The following DNAJC24 variants were observed in gnomAD, a reference collection of about 807,000 sequenced individuals.
DNAJC24 encodes the protein dnaJ homolog subfamily C member 24.
In DNAJC24, 17 loss-of-function variants were observed where a neutral mutation model predicts 18.0. That is an observed-to-expected ratio of 0.94 (90% CI 0.65 to 1.42). The LOEUF is 1.42. Among genes scored for constraint, DNAJC24 ranks in the 40% most tolerant of loss-of-function variants. DNAJC24 has a pLI of 0.00. For missense variants in DNAJC24, 158 were observed against 175.6 expected (o/e 0.90, Z 0.57); for synonymous variants, 55 against 57.7 (o/e 0.95, Z 0.21).
chr11:31,413,326 C>CTTTTTTT (rs1226979464), intron 2 of DNAJC24, among the ~76,000 whole-genome samples: 1 of 126,372 alleles, frequency 7.9e-6, no homozygotes, highest in African/African-American at 3.0e-5. Context: ...TAAATACTAT[C>CTTTTTTT]TTTTTTTTTT....
chr11:31,370,596 G>A (rs1952217484), intron 1 of DNAJC24, 120 bp from the exon 2 acceptor site: 1 of 477,408 alleles, frequency 2.1e-6, no homozygotes, highest in African/African-American at 2.0e-5. Context: ...TGCTTCCTCA[G>A]GTTTGCATTA....
At chr11:31,390,576 CAT>C (rs1435418773) in intron 2 of DNAJC24, among the ~76,000 whole-genome samples, 1 of 148,178 alleles carries the variant, frequency 6.7e-6, no homozygotes, top group African/African-American at 2.5e-5. Context: ...CCTGGTGGCG[CAT>C]GCCTGTAGTC....
intron 2 of DNAJC24, among the ~76,000 whole-genome samples, chr11:31,384,403 G>A (rs897643047): frequency 2.6e-5 from 4 of 152,144 alleles, no homozygotes; most frequent in African/African-American, 9.7e-5. Context: ...TCCTGTCTTA[G>A]TTATTTTTGT....
At chr11:31,379,942 G>A (rs1014417496) in intron 2 of DNAJC24, among the ~76,000 whole-genome samples, 3 of 151,224 alleles carry the variant, frequency 2.0e-5, no homozygotes, top group African/African-American at 7.3e-5. Context: ...TTCTTTTTTT[G>A]TATTTTTAGT....
chr11:31,421,455 AT>A lies in DNAJC24; in HGVS notation c.251-4831del, dbSNP rs530472292. 4.4e-3 allele frequency among the ~76,000 whole-genome samples: 669 copies of A among 152,292 alleles called. 8 individuals carry two copies. The highest frequency in any genetic ancestry group is 7.9e-3 in the Non-Finnish European group (537 of 68,020). On this transcript the variant is annotated intron_variant, in intron 3 of 4. Transcript: ENST00000465995. ...TAAATGAGAGCATCGTGGGGATGTG[AT>A]GATCATGTGAATAACATGGCATTGC...
intron 2 of DNAJC24, among the ~76,000 whole-genome samples, chr11:31,410,045 G>T (rs916969188): frequency 1.1e-5 from 1 of 94,526 alleles, no homozygotes; most frequent in East Asian, 3.1e-4. Flanking sequence ...CACCACACCT[G>T]GCTAATTTTT....
chr11:31,414,699 T>C, intron 2 of DNAJC24, 112 bp from the exon 3 acceptor site: 2 of 1,208,296 alleles, frequency 1.7e-6, no homozygotes, highest in Non-Finnish European at 1.2e-6. Context: ...TGGCATTTGG[T>C]TTTCATCTTC....
intron 2 of DNAJC24, chr11:31,396,517 C>T (rs1952543815): frequency 4.7e-6 from 1 of 211,932 alleles, no homozygotes; most frequent in Admixed American, 5.3e-5. Context: ...GCATGAGTGA[C>T]TTCCAAATTT....
chr11:31,430,940 A>G lies in DNAJC24; in HGVS notation c.*539A>G, dbSNP rs1247760201. 1 of 152,456 alleles carries G rather than the reference A, an allele frequency of 6.6e-6. No individual in the cohort carries two copies. Among genetic ancestry groups the G allele is most frequent in the Non-Finnish European group, 1.5e-5 (1 of 68,024 alleles). The allele number at this position is 152,456 out of a possible 1,614,324, so 9.4% of individuals were successfully genotyped here. On this transcript the variant is annotated 3_prime_UTR_variant, in exon 5 of 5. Transcript: ENST00000465995. ...GGCAACTGTAGAAAGTGTTGCCTCCAATCTTGGTCCGTATTTCCAAAGCTT... is the reference window on the plus strand; with the variant it reads ...GGCAACTGTAGAAAGTGTTGCCTCCGATCTTGGTCCGTATTTCCAAAGCTT...
intron 2 of DNAJC24, among the ~76,000 whole-genome samples, chr11:31,403,656 G>A (rs1232097759): frequency 1.3e-5 from 2 of 152,166 alleles, no homozygotes; most frequent in Admixed American, 6.6e-5. Context: ...TACAGTCAGA[G>A]TTCAGTCTCC....
In DNAJC24 at chr11:31,370,818, A is replaced by C; in HGVS notation, c.70A>C (p.Ile24Leu). The C allele has an allele frequency of 3.1e-6, 5 of 1,612,506 alleles. No individual in the cohort carries two copies. The highest frequency in any genetic ancestry group is 4.2e-6 in the Non-Finnish European group (5 of 1,179,368). ...SILGADPSAN[I>L]SDLKQKYQKL... is the part of the protein sequence containing the mutation. The stretch of plus-strand genomic sequence containing the variant: ...CCTGGGAGCAGACCCATCTGCAAAT[A>C]TATCAGACCTAAAACAAAAATATCA... Residue 24 changes from isoleucine to leucine, a missense_variant, in exon 2 of 5, where the codon ATA (isoleucine) becomes CTA (leucine). Transcript: ENST00000465995.
At chr11:31,399,658 C>T (rs899977202) in intron 2 of DNAJC24, among the ~76,000 whole-genome samples, 7 of 151,452 alleles carry the variant, frequency 4.6e-5, no homozygotes, top group Admixed American at 2.0e-4. Flanking sequence ...GTGATCTGCC[C>T]GCCTCGGCCT....
At position 31,432,235 on chromosome 11, in the gene DNAJC24, A is replaced by C. The variant is rs1289934733; in HGVS notation, c.*1834A>C. On this transcript the variant is annotated 3_prime_UTR_variant, in exon 5 of 5. Coordinates refer to ENST00000465995, the MANE Select transcript of DNAJC24 (RefSeq NM_181706.5). ...ATTATACCTATAAGAACAAGAATTC[A>C]AAAGTGAGGTAGTCATCCAGGTTCC... Among the ~76,000 whole-genome samples the C allele has an allele frequency of 6.6e-6, 1 of 152,222 alleles. No homozygotes were observed. Among genetic ancestry groups the C allele is most frequent in the African/African-American group, 2.4e-5 (1 of 41,450 alleles).
At chr11:31,416,851 AT>A (rs1564956946) in intron 3 of DNAJC24, 3 of 152,108 alleles carry the variant, frequency 2.0e-5, no homozygotes, top group African/African-American at 7.2e-5. Flanking sequence ...TGCCTTTTTC[AT>A]TGTCTTCGAA....
intron 2 of DNAJC24, among the ~76,000 whole-genome samples, chr11:31,377,376 A>G (rs1475444544): frequency 6.6e-6 from 1 of 152,104 alleles, no homozygotes; most frequent in Non-Finnish European, 1.5e-5. Context: ...AAAGATACAT[A>G]TTTACGTAAA....
chr11:31,418,201 GA>G (rs35734256), intron 3 of DNAJC24, among the ~76,000 whole-genome samples: 1 of 152,206 alleles, frequency 6.6e-6, no homozygotes, highest in South Asian at 2.1e-4. Flanking sequence ...GTGTTCCCCT[GA>G]AAGGCATGTA....
At chr11:31,425,469 G>C (rs1425306226) in intron 3 of DNAJC24, among the ~76,000 whole-genome samples, 1 of 152,032 alleles carries the variant, frequency 6.6e-6, no homozygotes, top group African/African-American at 2.4e-5. Flanking sequence ...TTACAGTTCT[G>C]GAGGCTAACA....
At chr11:31,399,332 C>A (rs1483727934) in intron 2 of DNAJC24, among the ~76,000 whole-genome samples, 1 of 151,866 alleles carries the variant, frequency 6.6e-6, no homozygotes, top group Non-Finnish European at 1.5e-5. Flanking sequence ...GCCATGGATT[C>A]AGTAATTCAA....
intron 3 of DNAJC24, among the ~76,000 whole-genome samples, chr11:31,419,962 C>T (rs1415649767): frequency 6.6e-6 from 1 of 151,992 alleles, no homozygotes; most frequent in African/African-American, 2.4e-5. Flanking sequence ...ATTGGCCTTC[C>T]ATTCTCTATT....
Sources: gnomAD v4.1 joint callset for allele counts (sites outside exome capture counted in the v4.1 genomes callset) on GRCh38, gnomAD v4.1.1 for gene constraint, MANE v1.5 for transcripts, NCBI Gene and HGNC (gene_info 2026-07-23, HGNC 2026-07-21) for gene names.